Variants in SPAG9 observed in about 807,000 individuals in gnomAD.
SPAG9 encodes the protein C-Jun-amino-terminal kinase-interacting protein 4.
Under a neutral mutation model 166.5 loss-of-function variants are expected in SPAG9, and 35 were observed. The observed-to-expected ratio is 0.21, with a 90% CI of 0.16 to 0.28. The LOEUF (loss-of-function observed/expected upper bound fraction) is 0.28, where lower values mean the gene tolerates loss of function less well. SPAG9 is among the 10% of genes least tolerant of loss of function. The probability of loss-of-function intolerance (pLI) is 1.00; values close to 1 mark genes in which losing one functional copy is unlikely to be tolerated. For synonymous variants in SPAG9, 534 were observed against 565.5 expected, an observed-to-expected ratio of 0.94 and a Z score of 0.79; for missense variants, 1,235 against 1,603.3, an observed-to-expected ratio of 0.77 and a Z score of 3.92.
Position 50,962,249 on chromosome 17 carries a change from A to G in SPAG9, c.*4023T>C, listed in dbSNP as rs904021235. The G allele has an allele frequency of 6.6e-6, 1 of 152,226 alleles. No individual in the cohort carries two copies. Among genetic ancestry groups the G allele is most frequent in the Admixed American group, 6.5e-5 (1 of 15,292 alleles). The allele number at this position is 152,226 out of a possible 1,614,324, so 9.4% of individuals were successfully genotyped here. ...TGAACCCCAGGGATTCCATAATAGA[A>G]ATAAATACTGAAATAACTACATTGC... On this transcript the variant is annotated 3_prime_UTR_variant, in exon 30 of 30. Transcript: ENST00000262013.
chr17:51,073,115 C>T (rs9889568), intron 2 of SPAG9, among the ~76,000 whole-genome samples: 1 of 151,984 alleles, frequency 6.6e-6, no homozygotes, highest in Non-Finnish European at 1.5e-5. Flanking sequence ...CACCAGAGGT[C>T]GGGAGTTTGA....
intron 1 of SPAG9, among the ~76,000 whole-genome samples, chr17:51,110,711 C>T (rs1323198849): frequency 6.6e-6 from 1 of 151,932 alleles, no homozygotes; most frequent in African/African-American, 2.4e-5. Context: ...AAATTCTATA[C>T]CCTCAACTTG....
intron 23 of SPAG9, 45 bp downstream of exon 23, chr17:50,985,653 A>G: frequency 8.9e-7 from 1 of 1,118,142 alleles, no homozygotes; most frequent in Non-Finnish European, 1.3e-6. Context: ...AGTTTATACC[A>G]AAATGCATAG....
intron 2 of SPAG9, among the ~76,000 whole-genome samples, chr17:51,077,097 T>TATCTAGCTAGCTAGCTAG (rs1568065850): frequency 8.6e-6 from 1 of 115,668 alleles, no homozygotes; most frequent in African/African-American, 3.4e-5. Context: ...TAGCTATCTA[T>TATCTAGCTAGCTAGCTAG]CTAGCTAGCT....
chr17:51,014,522 C>T (rs2144105447), intron 8 of SPAG9, 169 bp from the exon 9 acceptor site: 1 of 530,354 alleles, frequency 1.9e-6, no homozygotes, highest in South Asian at 3.6e-5. Flanking sequence ...GAAATTCTCA[C>T]TAAGCTCCAT....
chr17:51,093,355 T>C (rs2048521745), intron 1 of SPAG9, among the ~76,000 whole-genome samples: 1 of 151,940 alleles, frequency 6.6e-6, no homozygotes, highest in Non-Finnish European at 1.5e-5. Flanking sequence ...TTTGTAACAG[T>C]TCACAACTGG....
intron 1 of SPAG9, among the ~76,000 whole-genome samples, chr17:51,081,563 G>C (rs935521968): frequency 4.6e-5 from 7 of 151,972 alleles, no homozygotes; most frequent in Non-Finnish European, 7.4e-5. Context: ...GACCAACATG[G>C]AGAAACCCCG....
At chr17:51,111,442 T>C (rs552827046) in intron 1 of SPAG9, among the ~76,000 whole-genome samples, 1 of 152,260 alleles carries the variant, frequency 6.6e-6, no homozygotes, top group African/African-American at 2.4e-5. Context: ...AAGGTAAAGA[T>C]TTCAAGAAGC....
intron 2 of SPAG9, 143 bp from the exon 3 acceptor site, chr17:51,056,625 G>A (rs771671338): frequency 3.0e-5 from 18 of 600,266 alleles, no homozygotes; most frequent in Admixed American, 6.1e-5. Context: ...ACAAAGCAGT[G>A]ACCTCATTTC....
Position 51,113,519 on chromosome 17 carries a change from A to T in SPAG9, c.303+6835T>A, listed in dbSNP as rs1444665008. On this transcript the variant is annotated intron_variant, in intron 1 of 29. Transcript: ENST00000262013. ...ACATGGTAAAACCCCATCTCTATTA[A>T]AAATACAAAAGTTAGCGAGGTGTGG... Among the ~76,000 whole-genome samples, 3 of 151,766 alleles carry T rather than the reference A, an allele frequency of 2.0e-5. No homozygotes were observed. The East Asian group carries it at 5.8e-4, about 29-fold the overall frequency.
intron 5 of SPAG9, among the ~76,000 whole-genome samples, chr17:51,039,785 C>T (rs2046759556): frequency 6.6e-6 from 1 of 152,086 alleles, no homozygotes; most frequent in South Asian, 2.1e-4. Context: ...ATATAGTTAC[C>T]ATATGGGATA....
intron 2 of SPAG9, among the ~76,000 whole-genome samples, chr17:51,072,009 C>G (rs1483915358): frequency 1.3e-5 from 2 of 152,180 alleles, no homozygotes; most frequent in Non-Finnish European, 2.9e-5. Flanking sequence ...CATCTCAGTG[C>G]CCCTAAATAA....
intron 2 of SPAG9, among the ~76,000 whole-genome samples, chr17:51,064,108 T>C (rs1272624318): frequency 6.6e-6 from 1 of 152,228 alleles, no homozygotes; most frequent in Non-Finnish European, 1.5e-5. Flanking sequence ...GTCTACTTAC[T>C]TAAGGCCCTT....
intron 24 of SPAG9, among the ~76,000 whole-genome samples, chr17:50,984,600 G>A (rs535868176): frequency 6.6e-6 from 1 of 152,100 alleles, no homozygotes; most frequent in Admixed American, 6.5e-5. Context: ...GCAGGAGAGT[G>A]GTGTGAACCC....
intron 26 of SPAG9, among the ~76,000 whole-genome samples, chr17:50,978,349 A>T (rs1434291228): frequency 6.6e-6 from 1 of 152,164 alleles, no homozygotes; most frequent in Non-Finnish European, 1.5e-5. Flanking sequence ...TTCTAGGGAG[A>T]AGGTACATAG....
chr17:51,005,388 T>C, intron 11 of SPAG9, 125 bp from the exon 12 acceptor site: 1 of 801,398 alleles, frequency 1.2e-6, no homozygotes, highest in South Asian at 1.6e-5. Context: ...AAACAGGGTA[T>C]TTAGCCACCC....
chr17:51,047,665 G>A (rs183515017), intron 3 of SPAG9, among the ~76,000 whole-genome samples, 196 bp from the exon 4 acceptor site: 42 of 149,942 alleles, frequency 2.8e-4, no homozygotes, highest in Admixed American at 2.5e-3. Context: ...AAGGATGCTG[G>A]TGTCCACAAA....
intron 28 of SPAG9, among the ~76,000 whole-genome samples, chr17:50,973,421 A>G (rs1973970590): frequency 6.6e-6 from 1 of 152,152 alleles, no homozygotes; most frequent in Non-Finnish European, 1.5e-5. Flanking sequence ...CATTTCTAGG[A>G]AGGAAATGAC....
At chr17:51,028,656 A>C (rs570842515) in intron 6 of SPAG9, among the ~76,000 whole-genome samples, 1 of 152,304 alleles carries the variant, frequency 6.6e-6, no homozygotes, top group South Asian at 2.1e-4. Flanking sequence ...AAAATCACCT[A>C]AGTACACATT....
Sources: allele counts gnomAD v4.1 joint callset (sites outside exome capture counted in the v4.1 genomes callset), GRCh38; gene constraint gnomAD v4.1.1; transcripts MANE v1.5; gene names NCBI Gene and HGNC (gene_info 2026-07-23, HGNC 2026-07-21).